The following ANO4 variants were observed in gnomAD, a reference collection of about 807,000 sequenced individuals.
The protein encoded by ANO4 is anoctamin-4.
Under a neutral mutation model 141.9 loss-of-function variants are expected in ANO4, and 69 were observed. The observed-to-expected ratio is 0.49, with a 90% CI of 0.40 to 0.59. The LOEUF is 0.59. ANO4 is among the 20% of genes least tolerant of loss of function. ANO4 has a pLI of 0.00. For missense variants in ANO4, 894 were observed against 1,162.2 expected, an observed-to-expected ratio of 0.77 and a Z score of 3.36; for synonymous variants, 350 against 394.3, an observed-to-expected ratio of 0.89 and a Z score of 1.33.
intron 16 of ANO4, among the ~76,000 whole-genome samples, chr12:101,085,771 G>T (rs1170345909): frequency 6.6e-6 from 1 of 152,092 alleles, no homozygotes. Flanking sequence ...CACGTAGTTG[G>T]TTCACTCAAC....
At chr12:101,016,413 A>G (rs972099845) in intron 8 of ANO4, among the ~76,000 whole-genome samples, 5 of 152,124 alleles carry the variant, frequency 3.3e-5, no homozygotes, top group Non-Finnish European at 1.5e-5. Flanking sequence ...GTGAGAACTC[A>G]CTCATTACCA....
rs748666892 is a variant in ANO4 at position 100,988,872 on chromosome 12, G to GAAAAAAAAAAA, written c.734+1208_734+1218dup. Among the ~76,000 whole-genome samples the GAAAAAAAAAAA allele has an allele frequency of 3.8e-4, 25 of 65,018 alleles. 3 individuals carry two copies. Among genetic ancestry groups the GAAAAAAAAAAA allele is most frequent in the Admixed American group, 8.4e-4 (5 of 5,974 alleles). 42.7% of individuals were successfully genotyped at this position (65,018 alleles called of 152,430 possible). On this transcript the variant is annotated intron_variant, in intron 8 of 27. Coordinates refer to ENST00000392977, the MANE Select transcript of ANO4 (RefSeq NM_001286615.2). ...GGTGACAGAGTGAGACTCTGTCTCA[G>GAAAAAAAAAAA]AAAAAAAAAAAAAAAAGAAAGAAAA...
intron 3 of ANO4, among the ~76,000 whole-genome samples, chr12:100,784,233 G>T (rs1480318578): frequency 6.6e-6 from 1 of 152,038 alleles, no homozygotes; most frequent in Non-Finnish European, 1.5e-5. Context: ...TGCCCTTCCT[G>T]GCCTGTACCA....
chr12:100,927,153 T>C (rs1437253840), intron 3 of ANO4, among the ~76,000 whole-genome samples: 2 of 152,156 alleles, frequency 1.3e-5, no homozygotes, highest in Non-Finnish European at 2.9e-5. Context: ...GACACCTGAC[T>C]GCTCTTTCTA....
At chr12:100,922,391 G>A (rs952314904) in intron 3 of ANO4, 61 bp downstream of exon 3, 11 of 1,204,292 alleles carry the variant, frequency 9.1e-6, no homozygotes, top group Non-Finnish European at 1.2e-5. Context: ...ATACTTGGGA[G>A]GGGTAATAAA....
chr12:100,801,675 G>A (rs934922376), intron 1 of ANO4, among the ~76,000 whole-genome samples: 1 of 149,638 alleles, frequency 6.7e-6, no homozygotes, highest in Admixed American at 6.7e-5. Context: ...AGACAGAGGG[G>A]CTGGCTTGAG....
At chr12:100,747,853 A>T (rs545680033) in intron 3 of ANO4, among the ~76,000 whole-genome samples, 5 of 152,254 alleles carry the variant, frequency 3.3e-5, no homozygotes, top group Non-Finnish European at 7.3e-5. Context: ...AGCCTGGGTG[A>T]CAAGAGCATA....
At chr12:100,833,524 T>G (rs1676849927) in intron 1 of ANO4, among the ~76,000 whole-genome samples, 1 of 152,144 alleles carries the variant, frequency 6.6e-6, no homozygotes, top group South Asian at 2.1e-4. Flanking sequence ...TACCATTTAC[T>G]ACCTCATAAT....
chr12:100,909,632 T>C (rs2041010711), intron 2 of ANO4, among the ~76,000 whole-genome samples: 1 of 152,102 alleles, frequency 6.6e-6, no homozygotes, highest in African/African-American at 2.4e-5. Flanking sequence ...AAAACACATA[T>C]GGTCTACCAA....
intron 3 of ANO4, among the ~76,000 whole-genome samples, chr12:100,761,939 G>A (rs1411834193): frequency 2.0e-5 from 3 of 152,012 alleles, no homozygotes; most frequent in African/African-American, 7.2e-5. Context: ...CTGCTTCTGG[G>A]TTTTTCCTTT....
At chr12:100,812,538 G>A (rs1478786247) in intron 1 of ANO4, among the ~76,000 whole-genome samples, 3 of 148,072 alleles carry the variant, frequency 2.0e-5, no homozygotes, top group Admixed American at 1.3e-4. Flanking sequence ...AGTAAAAGTA[G>A]GTCAGAAGTA....
chr12:101,116,018 G>GT (rs1173226322), intron 24 of ANO4, among the ~76,000 whole-genome samples: 3 of 152,328 alleles, frequency 2.0e-5, no homozygotes, highest in African/African-American at 7.2e-5. Context: ...GGTGAACTAA[G>GT]TAAGTATGGT....
intron 1 of ANO4, among the ~76,000 whole-genome samples, chr12:100,899,229 T>C (rs1241085768): frequency 2.0e-5 from 3 of 152,140 alleles, no homozygotes; most frequent in Non-Finnish European, 2.9e-5. Context: ...GCTCACAGCA[T>C]TGTGGGCTTA....
At chr12:100,928,191 G>T (rs1324781933) in intron 3 of ANO4, among the ~76,000 whole-genome samples, 1 of 151,988 alleles carries the variant, frequency 6.6e-6, no homozygotes, top group Admixed American at 6.6e-5. Context: ...GGCCGGGGGG[G>T]CTGGCATATA....
At chr12:101,120,485 T>C (rs1403484619) in intron 25 of ANO4, 35 bp from the exon 26 acceptor site, 7 of 1,556,242 alleles carry the variant, frequency 4.5e-6, no homozygotes, top group Middle Eastern at 1.7e-4. Context: ...AGAAAAATCA[T>C]AGTTTGAATG....
Position 100,917,692 on chromosome 12 carries a change from G to C in ANO4, c.56-4534G>C, listed in dbSNP as rs1447417622. Among the ~76,000 whole-genome samples the C allele has an allele frequency of 2.6e-5, 4 of 152,020 alleles. 1 individual carries two copies. The South Asian group carries it at 8.3e-4, about 31-fold the overall frequency. ...CTTTGTAGTGTTAGACTTAATGAACGGCTTATTGTCAGAAGTTCCAGACCA... is the reference window on the plus strand; with the variant it reads ...CTTTGTAGTGTTAGACTTAATGAACCGCTTATTGTCAGAAGTTCCAGACCA... On this transcript the variant is annotated intron_variant, in intron 2 of 27. Transcript: ENST00000392977.
At chr12:100,899,120 G>A (rs1234700065) in intron 1 of ANO4, among the ~76,000 whole-genome samples, 2 of 152,176 alleles carry the variant, frequency 1.3e-5, no homozygotes, top group South Asian at 2.1e-4. Context: ...AGGCACCTGA[G>A]CATCAGAGTG....
At chr12:100,891,406 C>T (rs1303798) in intron 1 of ANO4, among the ~76,000 whole-genome samples, 41,523 of 152,012 alleles carry the variant, frequency 0.27, 5,821 homozygotes, top group Middle Eastern at 0.35. Flanking sequence ...AAACTGTCTT[C>T]CAAAGTGGCC....
chr12:101,005,235 T>C (rs930611013), intron 8 of ANO4, among the ~76,000 whole-genome samples: 8 of 152,330 alleles, frequency 5.3e-5, no homozygotes, highest in Middle Eastern at 6.8e-3. Context: ...GCTTAGCTTA[T>C]TCTAAATTGG....
Sources: gnomAD v4.1 joint callset for allele counts (sites outside exome capture counted in the v4.1 genomes callset) on GRCh38, gnomAD v4.1.1 for gene constraint, MANE v1.5 for transcripts, NCBI Gene and HGNC (gene_info 2026-07-23, HGNC 2026-07-21) for gene names.